The following MACROD1 variants were observed in gnomAD, a reference collection of about 807,000 sequenced individuals.
MACROD1 encodes mono-ADP ribosylhydrolase 1.
MACROD1 carries 31 observed loss-of-function variants against 41.4 expected under a neutral mutation model. The ratio of observed to expected loss-of-function variants is 0.75; its 90% CI spans 0.56 to 1.01. The LOEUF (loss-of-function observed/expected upper bound fraction) is 1.01, where lower values mean the gene tolerates loss of function less well. Among genes scored for constraint, MACROD1 ranks in the 50% least tolerant of loss-of-function variants. The pLI, the probability that MACROD1 is intolerant of heterozygous loss-of-function variation, is 0.00. For synonymous variants in MACROD1, 252 were observed against 203.4 expected (o/e 1.24, Z -2.03); for missense variants, 473 against 460.0 (o/e 1.03, Z -0.26).
rs549795758 is a variant in MACROD1 at position 64,067,036 on chromosome 11, G to T, written c.518-51755C>A. Among the ~76,000 whole-genome samples the T allele has an allele frequency of 5.9e-5, 9 of 152,328 alleles. No individual in the cohort carries two copies. The East Asian group carries it at 1.7e-3, about 29-fold the overall frequency. ...AGTCCCTGGGGAGATTGGATGAGGG[G>T]CTCAGGGACCCCCCATGCCCAATGT... On this transcript the variant is annotated intron_variant, in intron 3 of 10. Transcript: ENST00000255681. The surrounding 1 kb of genome is among the most constrained non-coding windows in gnomAD (Gnocchi z 4.6).
At chr11:64,013,640 A>G (rs535906118) in intron 4 of MACROD1, among the ~76,000 whole-genome samples, 1 of 152,304 alleles carries the variant, frequency 6.6e-6, no homozygotes, top group South Asian at 2.1e-4. Context: ...CGATGAGCTG[A>G]TGTGGGACAG....
intron 3 of MACROD1, among the ~76,000 whole-genome samples, chr11:64,045,354 C>CGAGT (rs1565207464): frequency 6.6e-6 from 1 of 151,624 alleles, no homozygotes; most frequent in African/African-American, 2.4e-5. Context: ...CATTGTTCCC[C>CGAGT]GAGTTATGCT....
intron 3 of MACROD1, among the ~76,000 whole-genome samples, chr11:64,147,668 C>T (rs777392952): frequency 1.3e-4 from 20 of 152,020 alleles, no homozygotes; most frequent in Admixed American, 8.5e-4. Flanking sequence ...AAGTGATCCG[C>T]CTGTCTCAGC....
chr11:64,007,473 G>A (rs1590794022), intron 4 of MACROD1, among the ~76,000 whole-genome samples: 1 of 152,272 alleles, frequency 6.6e-6, no homozygotes, highest in African/African-American at 2.4e-5. Flanking sequence ...GAGTCCGGGC[G>A]GAGAGCTCAG....
chr11:64,037,683 T>C (rs1487488238), intron 3 of MACROD1, among the ~76,000 whole-genome samples: 6 of 152,032 alleles, frequency 3.9e-5, no homozygotes, highest in African/African-American at 1.2e-4. Context: ...CCATGTTCTT[T>C]CCCAGACACA....
At chr11:64,164,404 C>T (rs928280718) in intron 1 of MACROD1, among the ~76,000 whole-genome samples, 3 of 152,196 alleles carry the variant, frequency 2.0e-5, no homozygotes, top group East Asian at 3.9e-4. Flanking sequence ...ACCTTGTCTC[C>T]GTAGCTCTTT....
chr11:64,131,957 G>A (rs66648159), intron 3 of MACROD1, among the ~76,000 whole-genome samples: 25,054 of 152,024 alleles, frequency 0.16, 2,312 homozygotes, highest in Admixed American at 0.28. Flanking sequence ...GCACTTGACT[G>A]AGCATCTGCT....
chr11:64,088,604 C>CG (rs35698406), intron 3 of MACROD1, among the ~76,000 whole-genome samples: 32,722 of 152,044 alleles, frequency 0.22, 3,866 homozygotes, highest in African/African-American at 0.31. Context: ...TCCTCCTCCC[C>CG]GGGTTTTGTT....
chr11:64,108,026 C>T (rs1163756427), intron 3 of MACROD1, among the ~76,000 whole-genome samples: 2 of 152,090 alleles, frequency 1.3e-5, no homozygotes, highest in African/African-American at 2.4e-5. Flanking sequence ...GGAAGTAGAT[C>T]GTTTATGGTC....
intron 3 of MACROD1, among the ~76,000 whole-genome samples, chr11:64,131,141 A>G (rs963037280): frequency 3.9e-5 from 6 of 152,186 alleles, no homozygotes; most frequent in Non-Finnish European, 8.8e-5. Context: ...CTGCGGGTCT[A>G]AATGCTCCCT....
intron 3 of MACROD1, among the ~76,000 whole-genome samples, chr11:64,127,631 TCAC>T (rs1945205881): frequency 6.6e-6 from 1 of 152,064 alleles, no homozygotes; most frequent in Admixed American, 6.5e-5. Context: ...GACACCTGAG[TCAC>T]CACAAGGGGA....
chr11:64,051,875 G>A (rs910097904), intron 3 of MACROD1, among the ~76,000 whole-genome samples: 18 of 151,870 alleles, frequency 1.2e-4, no homozygotes, highest in Admixed American at 2.0e-4. Context: ...CCGTCCCATC[G>A]TGGGGTCCTG....
intron 3 of MACROD1, among the ~76,000 whole-genome samples, chr11:64,123,495 G>A (rs569582206): frequency 2.1e-5 from 3 of 141,256 alleles, no homozygotes; most frequent in African/African-American, 5.2e-5. Context: ...GCCCCAAGTG[G>A]CTATCTGCAT....
intron 3 of MACROD1, among the ~76,000 whole-genome samples, chr11:64,029,668 G>A (rs1943268762): frequency 3.3e-5 from 5 of 149,670 alleles, no homozygotes; most frequent in Admixed American, 6.6e-5. Flanking sequence ...CCCCCCTCTC[G>A]GACCCATGCC....
At chr11:64,116,675 C>T in intron 3 of MACROD1, 1 of 1,613,984 alleles carries the variant, frequency 6.2e-7, no homozygotes, top group Non-Finnish European at 8.5e-7. Context: ...ACCTGCAGGA[C>T]AACAATGTGC....
rs542675482 is a variant in MACROD1, at chr11:64,027,219, C to T, written c.518-11938G>A. Among the ~76,000 whole-genome samples the T allele has an allele frequency of 2.0e-5, 3 of 152,280 alleles. No homozygotes were observed. The South Asian group carries it at 6.2e-4, about 32-fold the overall frequency. ...GCTGAGAGGAGGGCAGAGAGGTGAC[C>T]AGGCCCACGGGGCCCTCCCTGATCC... On this transcript the variant is annotated intron_variant, in intron 3 of 10. Coordinates refer to ENST00000255681, the MANE Select transcript of MACROD1 (RefSeq NM_014067.4).
intron 3 of MACROD1, among the ~76,000 whole-genome samples, chr11:64,065,623 AC>A (rs11360823): frequency 0.39 from 57,180 of 146,632 alleles, 12,886 homozygotes; most frequent in Non-Finnish European, 0.52. Context: ...CCCAGTCTCT[AC>A]TAAAAAATAC....
intron 3 of MACROD1, among the ~76,000 whole-genome samples, chr11:64,068,017 C>T (rs967032026): frequency 2.6e-5 from 4 of 152,252 alleles, no homozygotes; most frequent in Middle Eastern, 3.4e-3. Context: ...GGAAAACCGC[C>T]GGTCTTGGGG....
intron 3 of MACROD1, among the ~76,000 whole-genome samples, chr11:64,112,841 T>C (rs758085325): frequency 1.3e-5 from 2 of 152,168 alleles, no homozygotes; most frequent in African/African-American, 4.8e-5. Context: ...CCTTGATGAC[T>C]GTGGTGGCTG....
Sources: gnomAD v4.1 joint callset for allele counts (sites outside exome capture counted in the v4.1 genomes callset) on GRCh38, gnomAD v4.1.1 for gene constraint, Gnocchi (gnomAD v3.1) non-coding constraint, MANE v1.5 for transcripts, NCBI Gene and HGNC (gene_info 2026-07-23, HGNC 2026-07-21) for gene names.